Variants in DDI2 observed in about 807,000 individuals in gnomAD.
The protein encoded by DDI2 is DDI proteasomal shuttling factor 2.
A neutral mutation model predicts 48.1 loss-of-function variants in DDI2; 5 were observed. The observed-to-expected ratio is 0.10, with a 90% confidence interval of 0.05 to 0.22. The LOEUF (loss-of-function observed/expected upper bound fraction) is 0.22, where lower values mean the gene tolerates loss of function less well. DDI2 is among the 10% of genes least tolerant of loss of function. The probability of loss-of-function intolerance (pLI) is 1.00; values close to 1 mark genes in which losing one functional copy is unlikely to be tolerated. For synonymous variants in DDI2, 205 were observed against 183.6 expected, an observed-to-expected ratio of 1.12 and a Z score of -0.94; for missense variants, 285 against 506.2, an observed-to-expected ratio of 0.56 and a Z score of 4.19.
chr1:15,620,964 G>C (rs1639651229), intron 1 of DDI2, among the ~76,000 whole-genome samples: 1 of 152,190 alleles, frequency 6.6e-6, no homozygotes, highest in African/African-American at 2.4e-5. Flanking sequence ...TTTCACCTGA[G>C]TGTCAATTGC....
chr1:15,668,837 C>T lies in DDI2; in HGVS notation c.*9047C>T, dbSNP rs527944259. The T allele has an allele frequency of 6.6e-6, 1 of 152,278 alleles. No individual in the cohort carries two copies. Among genetic ancestry groups the T allele is most frequent in the South Asian group, 2.1e-4 (1 of 4,824 alleles). 9.4% of individuals were successfully genotyped at this position (152,278 alleles called of 1,614,324 possible). On this transcript the variant is annotated 3_prime_UTR_variant, in exon 10 of 10. Transcript: ENST00000480945. ...CCAAAATTGGTGGCATTGTGCCATT[C>T]GTTTAGGGGCTGAACATAGGACCTG... is the stretch of plus-strand genomic sequence containing the variant.
intron 3 of DDI2, 48 bp from the exon 4 acceptor site, chr1:15,633,391 C>G (rs3795762): frequency 0.6 from 964,225 of 1,596,496 alleles, 296,794 homozygotes; most frequent in African/African-American, 0.87. Context: ...TACTGATAAA[C>G]GTTGAAAATA....
chr1:15,660,794 A>T lies in DDI2; in HGVS notation c.*1004A>T, dbSNP rs138415353. On this transcript the variant is annotated 3_prime_UTR_variant, in exon 10 of 10. Transcript: ENST00000480945. ...TTGAATGATTCCATTTCCACTCAGG[A>T]TTTACAGCCCCCAGAAACTAATGTT... 1 of 1,613,994 alleles carries T rather than the reference A, an allele frequency of 6.2e-7. No homozygotes were observed. Among genetic ancestry groups the T allele is most frequent in the Non-Finnish European group, 8.5e-7 (1 of 1,180,040 alleles).
In DDI2 at chr1:15,619,008, TAA is replaced by T. The variant is rs540312872; in HGVS notation, c.138+1204_138+1205del. Among the ~76,000 whole-genome samples, 996 of 152,364 alleles carry T rather than the reference TAA, an allele frequency of 6.5e-3. 10 individuals carry two copies. The highest frequency in any genetic ancestry group is 9.1e-3 in the Non-Finnish European group (622 of 68,036). The stretch of plus-strand genomic sequence containing the variant: ...GGCATAAAGCTGTTCAGAAAGAATT[TAA>T]AAAGTTAATCCACAAAAGCTCAGGA... On this transcript the variant is annotated intron_variant, in intron 1 of 9. Transcript: ENST00000480945.
At chr1:15,650,341 G>A (rs997636573) in intron 7 of DDI2, among the ~76,000 whole-genome samples, 1 of 152,148 alleles carries the variant, frequency 6.6e-6, no homozygotes, top group Non-Finnish European at 1.5e-5. Flanking sequence ...TACTGCCGTC[G>A]TTGAAGAAGC....
chr1:15,660,827 C>T lies in DDI2; in HGVS notation c.*1037C>T. 6.2e-7 allele frequency: 1 copy of T among 1,614,104 alleles called. No individual in the cohort carries two copies. Among genetic ancestry groups the T allele is most frequent in the East Asian group, 2.2e-5 (1 of 44,878 alleles). ...CCCCCAGAAACTAATGTTGAAATAC[C>T]TGGAACAAATAAAGAATATGGCCAT... On this transcript the variant is annotated 3_prime_UTR_variant, in exon 10 of 10. Transcript: ENST00000480945.
intron 5 of DDI2, 109 bp from the exon 6 acceptor site, chr1:15,643,413 G>A (rs776659559): frequency 6.0e-6 from 9 of 1,490,610 alleles, no homozygotes; most frequent in Admixed American, 2.1e-5. Flanking sequence ...AGAGACCAAA[G>A]CCTTGGGGTG....
rs1640388868 is a variant in DDI2 at position 15,661,855 on chromosome 1, A to T, written c.*2065A>T. ...ACCTGCAAGCAGAATGTTGAGCCAG[A>T]TTTTTTTTAAAGATTTTTTTCGGCC... is the stretch of plus-strand genomic sequence containing the variant. On this transcript the variant is annotated 3_prime_UTR_variant, in exon 10 of 10. Transcript: ENST00000480945. 1.6e-6 allele frequency: 2 copies of T among 1,253,454 alleles called. No individual in the cohort carries two copies. Among genetic ancestry groups the T allele is most frequent in the African/African-American group, 1.5e-5 (1 of 64,986 alleles). The allele number at this position is 1,253,454 out of a possible 1,614,324, so 77.6% of individuals were successfully genotyped here. A position where few individuals can be genotyped will look rare whatever the true frequency, so the allele number is the denominator to read the frequency against.
At position 15,660,271 on chromosome 1, in the gene DDI2, G is replaced by A. The variant is rs1640345232; in HGVS notation, c.*481G>A. On this transcript the variant is annotated 3_prime_UTR_variant, in exon 10 of 10. Coordinates refer to ENST00000480945, the MANE Select transcript of DDI2 (RefSeq NM_032341.5). ...TACAAGACAGGAAGCTAGTTTATCT[G>A]TCACATCTACTAGGATGCATGAACC... 1.2e-6 allele frequency: 2 copies of A among 1,614,048 alleles called. No individual in the cohort carries two copies. The highest frequency in any genetic ancestry group is 2.2e-5 in the South Asian group (2 of 91,090).
At chr1:15,648,415 G>A (rs892346967) in intron 6 of DDI2, among the ~76,000 whole-genome samples, 1 of 152,222 alleles carries the variant, frequency 6.6e-6, no homozygotes, top group Admixed American at 6.5e-5. Context: ...GGGGGTGGCA[G>A]TTCTCCCACA....
chr1:15,661,081 C>G lies in DDI2; in HGVS notation c.*1291C>G. ...TGAAAGATGGACCCAAAATGAGCAT[C>G]TTACCCAGAATGAACAGTGTCCACA... On this transcript the variant is annotated 3_prime_UTR_variant, in exon 10 of 10. Coordinates refer to ENST00000480945, the MANE Select transcript of DDI2 (RefSeq NM_032341.5). The G allele has an allele frequency of 6.2e-7, 1 of 1,614,136 alleles. No homozygotes were observed. Among genetic ancestry groups the G allele is most frequent in the South Asian group, 1.1e-5 (1 of 91,066 alleles).
chr1:15,648,834 C>CAAAAAAAAAA (rs36082177), intron 6 of DDI2, among the ~76,000 whole-genome samples: 2 of 95,956 alleles, frequency 2.1e-5, no homozygotes, highest in Non-Finnish European at 4.0e-5. Context: ...GACCCTGTCT[C>CAAAAAAAAAA]AAAAAAAAAA....
At chr1:15,652,877 C>A (rs1017512813) in intron 8 of DDI2, among the ~76,000 whole-genome samples, 1 of 151,268 alleles carries the variant, frequency 6.6e-6, no homozygotes, top group Admixed American at 6.6e-5. Context: ...AGTGGCACAC[C>A]CCCCGTAACC....
rs1639766587 is a variant in DDI2 at position 15,626,994 on chromosome 1, C to CA, written c.268+197dup. ...GTTTCCTCTTCTATAAGTTAGGTGC[C>CA]ATAATTAACCCCAACTCCTAAAGCT... On this transcript the variant is annotated intron_variant, in intron 2 of 9. Coordinates refer to ENST00000480945, the MANE Select transcript of DDI2 (RefSeq NM_032341.5). The CA allele has an allele frequency of 2.5e-5, 16 of 649,212 alleles. No homozygotes were observed. In the South Asian group the frequency reaches 3.2e-4, roughly 13 times the overall value. 40.2% of individuals were successfully genotyped at this position (649,212 alleles called of 1,614,324 possible). A position where few individuals can be genotyped will look rare whatever the true frequency, so the allele number is the denominator to read the frequency against.
At chr1:15,630,964 C>A (rs111385195) in intron 3 of DDI2, among the ~76,000 whole-genome samples, 1 of 152,224 alleles carries the variant, frequency 6.6e-6, no homozygotes, top group African/African-American at 2.4e-5. Flanking sequence ...CTGCCTCAGC[C>A]TCCCAAGTAG....
chr1:15,651,808 T>A lies in DDI2; in HGVS notation c.1096T>A (p.Tyr366Asn). 6.2e-7 allele frequency: 1 copy of A among 1,613,954 alleles called. No individual in the cohort carries two copies. Among genetic ancestry groups the A allele is most frequent in the Non-Finnish European group, 8.5e-7 (1 of 1,179,942 alleles). The change falls in exon 8 of 10, where the codon TAT (tyrosine) becomes AAT (asparagine). Residue 366 changes from tyrosine to asparagine, a missense_variant. Around this residue, in one of 3 missense-constraint regions of DDI2, gnomAD observed 66 missense variants for 87.3 expected, o/e 0.76. Coordinates refer to ENST00000480945, the MANE Select transcript of DDI2 (RefSeq NM_032341.5). ...GELPECARLA[Y>N]GAGREDVRPE... ...GCTACCAGAGTGTGCCCGGTTGGCA[T>A]ATGGGGCTGGAAGAGAGGATGTACG...
intron 8 of DDI2, among the ~76,000 whole-genome samples, chr1:15,654,772 ACAAC>A (rs1357987924): frequency 6.6e-6 from 1 of 152,182 alleles, no homozygotes; most frequent in Non-Finnish European, 1.5e-5. Flanking sequence ...GGAATTTTGA[ACAAC>A]CAGACAGAGA....
chr1:15,629,591 C>T (rs376801419), intron 2 of DDI2, among the ~76,000 whole-genome samples: 10 of 123,492 alleles, frequency 8.1e-5, no homozygotes, highest in Middle Eastern at 4.2e-3. Context: ...GGCAAGACTC[C>T]GTGTCAAAAA....
At chr1:15,623,954 C>T (rs1639712627) in intron 1 of DDI2, among the ~76,000 whole-genome samples, 1 of 152,090 alleles carries the variant, frequency 6.6e-6, no homozygotes. Context: ...GTCCCAGCTA[C>T]TCAGGAGGCT....
Sources: gnomAD v4.1 joint callset for allele counts (sites outside exome capture counted in the v4.1 genomes callset) on GRCh38, gnomAD v4.1.1 for gene constraint, gnomAD v4.1.1 regional missense constraint, MANE v1.5 for transcripts, NCBI Gene and HGNC (gene_info 2026-07-23, HGNC 2026-07-21) for gene names.